Variants in ACTR3C observed in about 807,000 individuals in gnomAD.
The protein encoded by ACTR3C is actin related protein 3C.
ACTR3C carries 18 observed loss-of-function variants against 26.3 expected under a neutral mutation model. The observed-to-expected ratio is 0.68, with a 90% confidence interval of 0.47 to 1.01. The LOEUF (loss-of-function observed/expected upper bound fraction) is 1.01. ACTR3C is among the 50% of genes least tolerant of loss of function. The pLI, the probability that ACTR3C is intolerant of heterozygous loss-of-function variation, is 0.00. For synonymous variants in ACTR3C, 55 were observed against 94.5 expected, an observed-to-expected ratio of 0.58 and a Z score of 2.42; for missense variants, 184 against 250.7, an observed-to-expected ratio of 0.73 and a Z score of 1.80.
At chr7:150,157,171 C>T in the ACTR3C span, among the ~76,000 whole-genome samples, 1 of 149,510 alleles carries the variant, frequency 6.7e-6, no homozygotes, top group Non-Finnish European at 1.5e-5. Context: ...TTGCCTAAAA[C>T]TGCAGCATGA....
chr7:149,931,273 C>CG, the ACTR3C span, among the ~76,000 whole-genome samples: 1 of 152,206 alleles, frequency 6.6e-6, no homozygotes, highest in Non-Finnish European at 1.5e-5. Flanking sequence ...AAAAGTTCTT[C>CG]GGGGGAGGAT....
chr7:150,264,812 C>T (rs1833907597), intron 6 of ACTR3C: 1 of 974,082 alleles, frequency 1.0e-6, no homozygotes, highest in African/African-American at 1.8e-5. Context: ...CTCAGATTTA[C>T]TTCTGGCCTA....
the ACTR3C span, among the ~76,000 whole-genome samples, chr7:150,037,323 T>C: frequency 1.3e-4 from 5 of 38,404 alleles, 1 homozygote; most frequent in South Asian, 1.6e-3. Context: ...CGATGCGGGG[T>C]CCTAAGCCGG....
At chr7:149,898,786 T>G in the ACTR3C span, among the ~76,000 whole-genome samples, 135 of 152,300 alleles carry the variant, frequency 8.9e-4, no homozygotes, top group Non-Finnish European at 1.8e-3. Flanking sequence ...ATACTTCTTT[T>G]AACAACTATA....
chr7:149,989,072 C>T, the ACTR3C span, among the ~76,000 whole-genome samples: 2 of 152,126 alleles, frequency 1.3e-5, no homozygotes, highest in African/African-American at 4.8e-5. Flanking sequence ...GGGAGCAACC[C>T]CTCACCACCA....
chr7:150,068,371 C>T, the ACTR3C span, among the ~76,000 whole-genome samples: 1 of 152,184 alleles, frequency 6.6e-6, no homozygotes, highest in East Asian at 1.9e-4. Flanking sequence ...GTGCTTCAGG[C>T]TGTTTATGCC....
At chr7:150,228,682 C>G in the ACTR3C span, among the ~76,000 whole-genome samples, 2 of 152,028 alleles carry the variant, frequency 1.3e-5, no homozygotes, top group Admixed American at 6.6e-5. Flanking sequence ...GGCTTTGGTT[C>G]AGGCAGACTG....
At chr7:150,169,403 A>AAAAAAG in the ACTR3C span, among the ~76,000 whole-genome samples, 1 of 145,354 alleles carries the variant, frequency 6.9e-6, no homozygotes, top group South Asian at 2.1e-4. Context: ...AAAAAAAAAA[A>AAAAAAG]AAGAAGAAGA....
At chr7:150,104,208 A>G in the ACTR3C span, among the ~76,000 whole-genome samples, 1 of 151,464 alleles carries the variant, frequency 6.6e-6, no homozygotes. Context: ...CAGACATGGA[A>G]GTGCCATGTC....
chr7:150,219,619 T>C, the ACTR3C span, among the ~76,000 whole-genome samples: 1 of 135,862 alleles, frequency 7.4e-6, no homozygotes, highest in Non-Finnish European at 1.5e-5. Flanking sequence ...CGCGTGGGAG[T>C]AAACATTTCC....
intron 6 of ACTR3C, among the ~76,000 whole-genome samples, chr7:150,278,623 G>T (rs558068869): frequency 2.6e-5 from 4 of 152,200 alleles, no homozygotes; most frequent in African/African-American, 7.2e-5. Context: ...CATCTCCACC[G>T]GCCTCCCACG....
chr7:149,888,868 C>T, the ACTR3C span, among the ~76,000 whole-genome samples: 14 of 152,046 alleles, frequency 9.2e-5, no homozygotes, highest in East Asian at 9.7e-4. Context: ...AGTAGCCGGA[C>T]GTGGTGGTGA....
the ACTR3C span, among the ~76,000 whole-genome samples, chr7:150,094,695 T>G: frequency 5.7e-3 from 858 of 150,526 alleles, 74 homozygotes; most frequent in African/African-American, 0.021. Flanking sequence ...TCAGCCCGCC[T>G]GACCCCATTG....
chr7:150,043,900 CATT>C, the ACTR3C span, among the ~76,000 whole-genome samples: 1 of 152,136 alleles, frequency 6.6e-6, no homozygotes, highest in Non-Finnish European at 1.5e-5. Context: ...AGAATGTTGA[CATT>C]ATACCAATGG....
the ACTR3C span, among the ~76,000 whole-genome samples, chr7:150,049,211 C>T: frequency 6.6e-6 from 1 of 152,108 alleles, no homozygotes; most frequent in African/African-American, 2.4e-5. Flanking sequence ...TTCTCTTCCC[C>T]TCCCGGCCCT....
the ACTR3C span, among the ~76,000 whole-genome samples, chr7:150,063,770 C>A: frequency 6.6e-6 from 1 of 152,118 alleles, no homozygotes; most frequent in African/African-American, 2.4e-5. Context: ...GGCCCACTCA[C>A]CCACCGTGTG....
the ACTR3C span, among the ~76,000 whole-genome samples, chr7:149,993,485 G>A: frequency 6.6e-6 from 1 of 152,156 alleles, no homozygotes; most frequent in Non-Finnish European, 1.5e-5. Flanking sequence ...GGAAAACCCA[G>A]ATGTTTTAGG....
chr7:149,967,360 C>T, the ACTR3C span, among the ~76,000 whole-genome samples: 2 of 152,020 alleles, frequency 1.3e-5, no homozygotes, highest in Admixed American at 6.6e-5. Context: ...TTAGTAGAGA[C>T]AGGGTTTCAC....
At chr7:149,895,061 A>G in the ACTR3C span, among the ~76,000 whole-genome samples, 2 of 151,916 alleles carry the variant, frequency 1.3e-5, no homozygotes, top group East Asian at 3.8e-4. Context: ...AGCCATTTAA[A>G]AAAAAAAAGG....
Sources: allele counts gnomAD v4.1 joint callset (sites outside exome capture counted in the v4.1 genomes callset), GRCh38; gene constraint gnomAD v4.1.1; transcripts MANE v1.5; gene names NCBI Gene and HGNC (gene_info 2026-07-23, HGNC 2026-07-21).